The following PTPRT variants were observed in gnomAD, a reference collection of about 807,000 sequenced individuals.
PTPRT encodes protein tyrosine phosphatase receptor type T.
A neutral mutation model predicts 176.8 loss-of-function variants in PTPRT; 56 were observed. The observed-to-expected ratio is 0.32, with a 90% CI of 0.26 to 0.40. PTPRT has a LOEUF of 0.40. Ranked by LOEUF, PTPRT falls within the 10% of genes least tolerant of loss-of-function variation. The probability of loss-of-function intolerance (pLI) is 1.00; values close to 1 mark genes in which losing one functional copy is unlikely to be tolerated. For missense variants in PTPRT, 1,540 were observed against 1,908.2 expected (o/e 0.81, Z 3.60); for synonymous variants, 783 against 739.0 (o/e 1.06, Z -0.96).
intron 1 of PTPRT, among the ~76,000 whole-genome samples, chr20:43,042,861 T>A (rs1463549999): frequency 6.6e-6 from 1 of 152,090 alleles, no homozygotes; most frequent in African/African-American, 2.4e-5. Flanking sequence ...GCATCTCAGA[T>A]CATCTCAACT....
intron 7 of PTPRT, among the ~76,000 whole-genome samples, chr20:42,485,499 G>A (rs1006057319): frequency 6.6e-6 from 1 of 152,204 alleles, no homozygotes; most frequent in African/African-American, 2.4e-5. Context: ...TGCCTAAGAA[G>A]CCATGTGTAA....
chr20:42,973,804 G>C (rs753458915), intron 1 of PTPRT, among the ~76,000 whole-genome samples: 1 of 152,154 alleles, frequency 6.6e-6, no homozygotes, highest in South Asian at 2.1e-4. Context: ...GGATATAACT[G>C]GGAAATAATT....
rs1982761807 is a variant in PTPRT at position 42,076,264 on chromosome 20, T to G, written c.*4615A>C. On this transcript the variant is annotated 3_prime_UTR_variant, in exon 31 of 31. Transcript: ENST00000373187. ...GTGGCTAGGGTAAAGTGAGGAGCCTTCCAGACCCCAGCTGCTCATGAAGTG... is the reference window on the plus strand; with the variant it reads ...GTGGCTAGGGTAAAGTGAGGAGCCTGCCAGACCCCAGCTGCTCATGAAGTG... 4.9e-6 allele frequency: 1 copy of G among 206,012 alleles called. No individual in the cohort carries two copies. Among genetic ancestry groups the G allele is most frequent in the African/African-American group, 2.3e-5 (1 of 43,866 alleles). The allele number at this position is 206,012 out of a possible 1,614,324, so 12.8% of individuals were successfully genotyped here. A position where few individuals can be genotyped will look rare whatever the true frequency, so the allele number is the denominator to read the frequency against.
At chr20:42,579,065 C>T (rs1010756076) in intron 7 of PTPRT, among the ~76,000 whole-genome samples, 7 of 119,176 alleles carry the variant, frequency 5.9e-5, no homozygotes, top group African/African-American at 2.2e-4. Flanking sequence ...CCCCTCCCCC[C>T]ACCCCACAAC....
At chr20:42,638,912 C>A (rs539062211) in intron 7 of PTPRT, among the ~76,000 whole-genome samples, 11 of 152,044 alleles carry the variant, frequency 7.2e-5, no homozygotes, top group African/African-American at 2.4e-4. Flanking sequence ...AATGGCAGAG[C>A]CAATTTAAAT....
At chr20:42,345,411 T>C (rs1019876699) in intron 11 of PTPRT, among the ~76,000 whole-genome samples, 2 of 143,648 alleles carry the variant, frequency 1.4e-5, no homozygotes, top group Admixed American at 6.9e-5. Context: ...ATAAAACTAG[T>C]TACTATAGAT....
chr20:42,348,195 G>A (rs539695517), intron 11 of PTPRT, among the ~76,000 whole-genome samples: 4 of 152,028 alleles, frequency 2.6e-5, no homozygotes, highest in South Asian at 4.2e-4. Context: ...CCTGAAATTC[G>A]TGCTGGGTGG....
intron 16 of PTPRT, among the ~76,000 whole-genome samples, chr20:42,173,988 T>A (rs1223271626): frequency 6.6e-6 from 1 of 152,172 alleles, no homozygotes; most frequent in East Asian, 1.9e-4. Flanking sequence ...TTTTATAAAC[T>A]GATGATAAAG....
intron 7 of PTPRT, among the ~76,000 whole-genome samples, chr20:42,664,077 A>AT (rs1249437687): frequency 2.6e-5 from 4 of 152,244 alleles, no homozygotes; most frequent in African/African-American, 9.6e-5. Flanking sequence ...AATACTGCTT[A>AT]TTAACAATTT....
chr20:42,051,111 T>A, the PTPRT span, among the ~76,000 whole-genome samples: 1 of 152,204 alleles, frequency 6.6e-6, no homozygotes, highest in Non-Finnish European at 1.5e-5. Flanking sequence ...AGCAGCACCA[T>A]GGAGACCAGC....
intron 1 of PTPRT, among the ~76,000 whole-genome samples, chr20:43,036,836 G>A (rs1300049086): frequency 6.6e-6 from 1 of 152,076 alleles, no homozygotes; most frequent in East Asian, 1.9e-4. Context: ...TTCCTATTAA[G>A]TTAGAATGAA....
chr20:42,430,235 T>C (rs1338129125), intron 9 of PTPRT, among the ~76,000 whole-genome samples: 1 of 152,204 alleles, frequency 6.6e-6, no homozygotes, highest in Non-Finnish European at 1.5e-5. Context: ...GAGGAAATCC[T>C]GACGTAGCAA....
rs539486117 is a variant in PTPRT at position 42,401,371 on chromosome 20, T to C, written c.1560+46849A>G. Among the ~76,000 whole-genome samples the C allele has an allele frequency of 9.2e-5, 14 of 152,044 alleles. No individual in the cohort carries two copies. In the East Asian group the frequency reaches 2.7e-3, roughly 29 times the overall value. On this transcript the variant is annotated intron_variant, in intron 9 of 30. Coordinates refer to ENST00000373187, the MANE Select transcript of PTPRT (RefSeq NM_007050.6). Reference sequence around the variant, plus strand: ...GTAAACCTTGGCAGGGGTTACGGAGTTAGGTAGTGGAAAAAGTGTTAATAA... The same window carrying C: ...GTAAACCTTGGCAGGGGTTACGGAGCTAGGTAGTGGAAAAAGTGTTAATAA...
chr20:42,081,013 G>T, intron 30 of PTPRT, 81 bp from the exon 31 acceptor site: 1 of 1,198,010 alleles, frequency 8.3e-7, no homozygotes, highest in Non-Finnish European at 1.2e-6. Flanking sequence ...AATGCATTTA[G>T]TTTAGAGATA....
chr20:42,726,532 A>G (rs1189361585), intron 6 of PTPRT, among the ~76,000 whole-genome samples: 1 of 152,228 alleles, frequency 6.6e-6, no homozygotes, highest in Non-Finnish European at 1.5e-5. Context: ...AAACAAAACC[A>G]GGATTCTGAG....
At chr20:43,000,354 G>GA (rs948525574) in intron 1 of PTPRT, among the ~76,000 whole-genome samples, 13 of 145,448 alleles carry the variant, frequency 8.9e-5, no homozygotes, top group African/African-American at 2.0e-4. Flanking sequence ...ACGAGTTAAA[G>GA]AAAAAAAAAG....
At position 42,527,590 on chromosome 20, in the gene PTPRT, A is replaced by AG. The variant is rs546590770; in HGVS notation, c.1154-55029dup. The stretch of plus-strand genomic sequence containing the variant: ...TTTCTGATTTTTCTTCTTATGGAGA[A>AG]GGGGAAAAAAAGCAGAAGGAGCAGA... On this transcript the variant is annotated intron_variant, in intron 7 of 30. Coordinates refer to ENST00000373187, the MANE Select transcript of PTPRT (RefSeq NM_007050.6). 9.2e-5 allele frequency among the ~76,000 whole-genome samples: 14 copies of AG among 152,300 alleles called. 1 individual carries two copies. The South Asian group carries it at 2.7e-3, about 29-fold the overall frequency.
chr20:43,079,993 C>A (rs1248707966), intron 1 of PTPRT, among the ~76,000 whole-genome samples: 2 of 152,004 alleles, frequency 1.3e-5, no homozygotes, highest in African/African-American at 4.8e-5. Context: ...CGGAGAAAAG[C>A]CTTTATTAGA....
chr20:42,420,922 C>T (rs536874904), intron 9 of PTPRT, among the ~76,000 whole-genome samples: 9 of 152,282 alleles, frequency 5.9e-5, no homozygotes, highest in African/African-American at 2.2e-4. Flanking sequence ...GAGTGCACTT[C>T]TGAACCTTAG....
Sources: allele counts gnomAD v4.1 joint callset (sites outside exome capture counted in the v4.1 genomes callset), GRCh38; gene constraint gnomAD v4.1.1; transcripts MANE v1.5; gene names NCBI Gene and HGNC (gene_info 2026-07-23, HGNC 2026-07-21).